The following BCR variants were observed in gnomAD, a reference collection of about 807,000 sequenced individuals.
The protein encoded by BCR is breakpoint cluster region protein.
BCR carries 58 observed loss-of-function variants against 138.6 expected under a neutral mutation model. The observed-to-expected ratio is 0.42, with a 90% CI of 0.34 to 0.52. The LOEUF is 0.52. Among genes scored for constraint, BCR ranks in the 20% least tolerant of loss-of-function variants. The probability of loss-of-function intolerance (pLI) is 0.06; values close to 1 mark genes in which losing one functional copy is unlikely to be tolerated. For synonymous variants in BCR, 786 were observed against 730.1 expected, an observed-to-expected ratio of 1.08 and a Z score of -1.23; for missense variants, 1,599 against 1,727.2, an observed-to-expected ratio of 0.93 and a Z score of 1.32.
chr22:23,253,735 GA>G (rs1405145386), intron 1 of BCR, 63 bp from the exon 2 acceptor site: 1 of 1,542,938 alleles, frequency 6.5e-7, no homozygotes, highest in Non-Finnish European at 8.8e-7. Flanking sequence ...TGCTTGCTGG[GA>G]TGGGTTGAGT....
chr22:23,303,354 C>T (rs1035702049), intron 16 of BCR, among the ~76,000 whole-genome samples: 4 of 152,054 alleles, frequency 2.6e-5, no homozygotes, highest in Admixed American at 6.5e-5. Context: ...TCAGGTAAGG[C>T]GGATACCGTC....
At position 23,253,939 on chromosome 22, in the gene BCR, C is replaced by T. The variant is rs776435380; in HGVS notation, c.1420C>T (p.Arg474Trp). 8 of 1,612,954 alleles carry T rather than the reference C, an allele frequency of 5.0e-6. No individual in the cohort carries two copies. The highest frequency in any genetic ancestry group is 1.6e-4 in the Middle Eastern group (1 of 6,072). ...CCTCAGCAGCAAGGGCAGGGGCAGC[C>T]GGGATGCGCTGGTCTCGGGAGCCCT... ...PHLSSKGRGS[R>W]DALVSGALES... is the part of the protein sequence containing the mutation. The change falls in exon 2 of 23, where the codon CGG becomes TGG. Residue 474 changes from arginine (R) to tryptophan (W), a missense_variant. By Grantham distance (101) the Arg-to-Trp change is moderately radical. This residue lies in a region of BCR where 590 missense variants were observed against 762.4 expected (regional missense o/e 0.77). Coordinates refer to ENST00000305877, the MANE Select transcript of BCR (RefSeq NM_004327.4).
chr22:23,204,265 T>C (rs1170661486), intron 1 of BCR, among the ~76,000 whole-genome samples: 2 of 152,194 alleles, frequency 1.3e-5, no homozygotes, highest in Non-Finnish European at 2.9e-5. Flanking sequence ...TGCTCTGCGT[T>C]GCCCATCTTA....
At chr22:23,211,710 A>T (rs957844521) in intron 1 of BCR, among the ~76,000 whole-genome samples, 16 of 150,706 alleles carry the variant, frequency 1.1e-4, no homozygotes, top group African/African-American at 3.9e-4. Context: ...GGGTTTCATC[A>T]TGTTGTCCAG....
intron 5 of BCR, among the ~76,000 whole-genome samples, chr22:23,270,459 C>T (rs2073497339): frequency 6.6e-6 from 1 of 152,224 alleles, no homozygotes; most frequent in Admixed American, 6.5e-5. Context: ...GGCCGCCTCC[C>T]AGGCTCTTGT....
chr22:23,302,244 C>G (rs987665742), intron 16 of BCR: 1 of 152,540 alleles, frequency 6.6e-6, no homozygotes, highest in East Asian at 1.9e-4. Context: ...GAGCAAAAAA[C>G]CAGACCGGGC....
At chr22:23,278,041 TG>T (rs2073599262) in intron 8 of BCR, among the ~76,000 whole-genome samples, 1 of 152,106 alleles carries the variant, frequency 6.6e-6, no homozygotes, top group Non-Finnish European at 1.5e-5. Flanking sequence ...TGAGGGCTGG[TG>T]GGTGGCGCTC....
At chr22:23,307,724 G>C (rs1191121407) in intron 16 of BCR, 3 of 149,914 alleles carry the variant, frequency 2.0e-5, no homozygotes, top group Non-Finnish European at 4.4e-5. Flanking sequence ...GCACAGTTCA[G>C]AGCCTTGGGA....
At position 23,197,324 on chromosome 22, in the gene BCR, G is replaced by A. The variant is rs62219765; in HGVS notation, c.1279+15085G>A. On this transcript the variant is annotated intron_variant, in intron 1 of 22. Coordinates refer to ENST00000305877, the MANE Select transcript of BCR (RefSeq NM_004327.4). ...TAGGTACACTCTATGATGTTTGCAT[G>A]AAGATGACATTGCCTAATGATGCAT... is the stretch of plus-strand genomic sequence containing the variant. Among the ~76,000 whole-genome samples, 222 of 152,186 alleles carry A rather than the reference G, an allele frequency of 1.5e-3. 1 individual carries two copies. Among genetic ancestry groups the A allele is most frequent in the Non-Finnish European group, 2.9e-3 (196 of 67,998 alleles).
rs377257407 is a variant in BCR at position 23,295,197 on chromosome 22, G to A, written c.3012+42G>A. On this transcript the variant is annotated intron_variant, in intron 16 of 22. Transcript: ENST00000305877. Reference sequence around the variant, plus strand: ...TACCCTCCCCTGCCCGATGCATGGCGTCCTTTTTCATGCAGCCCCTGGGGA... The same window carrying A: ...TACCCTCCCCTGCCCGATGCATGGCATCCTTTTTCATGCAGCCCCTGGGGA... 1.3e-4 allele frequency: 206 copies of A among 1,563,950 alleles called. 1 individual carries two copies. In the Admixed American group the frequency reaches 2.8e-3, roughly 22 times the overall value.
intron 1 of BCR, among the ~76,000 whole-genome samples, chr22:23,250,720 T>C (rs1402596652): frequency 6.6e-6 from 1 of 152,166 alleles, no homozygotes; most frequent in Non-Finnish European, 1.5e-5. Context: ...TTATCCATTG[T>C]CTAGTTCACA....
At chr22:23,225,534 C>G (rs2072881196) in intron 1 of BCR, among the ~76,000 whole-genome samples, 1 of 152,246 alleles carries the variant, frequency 6.6e-6, no homozygotes, top group Admixed American at 6.5e-5. Flanking sequence ...GCATTGGTGG[C>G]TAATCAGGAC....
chr22:23,263,058 C>T (rs1027637253), intron 4 of BCR: 30 of 732,046 alleles, frequency 4.1e-5, no homozygotes, highest in South Asian at 8.2e-5. Context: ...GGCTAGGCGG[C>T]GGGAGGGCGC....
At chr22:23,250,211 C>T (rs1278583388) in intron 1 of BCR, among the ~76,000 whole-genome samples, 3 of 152,202 alleles carry the variant, frequency 2.0e-5, no homozygotes, top group Non-Finnish European at 2.9e-5. Context: ...ACTCCCTACT[C>T]GGTGTTGACT....
chr22:23,260,579 G>A (rs1480038339), intron 2 of BCR, among the ~76,000 whole-genome samples: 4 of 152,174 alleles, frequency 2.6e-5, no homozygotes, highest in Non-Finnish European at 5.9e-5. Flanking sequence ...GGGCTCTGAC[G>A]CCCCCTCAGG....
chr22:23,258,583 T>C (rs558729983), intron 2 of BCR, among the ~76,000 whole-genome samples: 5 of 152,292 alleles, frequency 3.3e-5, no homozygotes, highest in Non-Finnish European at 7.4e-5. Context: ...AGATCCTTCC[T>C]CAAACCCATC....
chr22:23,285,734 C>T (rs1368659915), intron 10 of BCR, among the ~76,000 whole-genome samples: 2 of 152,166 alleles, frequency 1.3e-5, no homozygotes, highest in African/African-American at 2.4e-5. Context: ...GAGATTTTAC[C>T]TACAGGTTTT....
chr22:23,290,719 G>A, intron 14 of BCR: 1 of 388,660 alleles, frequency 2.6e-6, no homozygotes, highest in Non-Finnish European at 4.9e-6. Flanking sequence ...CATCCCCAGG[G>A]GTGCCCGGGA....
At chr22:23,241,833 C>A (rs1324190428) in intron 1 of BCR, among the ~76,000 whole-genome samples, 1 of 152,180 alleles carries the variant, frequency 6.6e-6, no homozygotes, top group Non-Finnish European at 1.5e-5. Flanking sequence ...TGTCTCCCTG[C>A]AGCCTCTAGG....
Sources: allele counts gnomAD v4.1 joint callset (sites outside exome capture counted in the v4.1 genomes callset), GRCh38; gene constraint gnomAD v4.1.1; regional missense constraint gnomAD v4.1.1; transcripts MANE v1.5; gene names NCBI Gene and HGNC (gene_info 2026-07-23, HGNC 2026-07-21).